The following ZNF469 variants were observed in gnomAD, a reference collection of about 807,000 sequenced individuals.
The protein encoded by ZNF469 is zinc finger protein 469.
Under a neutral mutation model 1.0 loss-of-function variants are expected in ZNF469, and 1 was observed. The observed-to-expected ratio is 1.00, with a 90% confidence interval of 0.35 to 4.73. The LOEUF (loss-of-function observed/expected upper bound fraction) is 4.73, where lower values mean the gene tolerates loss of function less well. Among genes scored for constraint, ZNF469 ranks in the 30% most tolerant of loss-of-function variants. The pLI is 0.16. For missense variants in ZNF469, 6,100 were observed against 5,356.3 expected (o/e 1.14, Z -4.33); for synonymous variants, 2,703 against 2,363.4 (o/e 1.14, Z -4.17).
chr16:88,345,270 G>T, the ZNF469 span, among the ~76,000 whole-genome samples: 5,447 of 152,316 alleles, frequency 0.036, 327 homozygotes, highest in African/African-American at 0.12. Flanking sequence ...GTGACCGTGG[G>T]ACAGCTCTGT....
chr16:88,151,993 T>G, the ZNF469 span, among the ~76,000 whole-genome samples: 1 of 152,180 alleles, frequency 6.6e-6, no homozygotes, highest in African/African-American at 2.4e-5. This position sits in a 1 kb window ranked among gnomAD's most constrained non-coding sequence, Gnocchi z 5.4. Context: ...ACACCAGCAG[T>G]AGATACTCCC....
chr16:88,122,427 G>A, the ZNF469 span, among the ~76,000 whole-genome samples: 23 of 145,668 alleles, frequency 1.6e-4, no homozygotes, highest in South Asian at 2.7e-3. Flanking sequence ...GCGGCCACTC[G>A]GATCACACTC....
At chr16:88,299,335 A>G in the ZNF469 span, among the ~76,000 whole-genome samples, 176 of 151,224 alleles carry the variant, frequency 1.2e-3, no homozygotes, top group African/African-American at 4.1e-3. Flanking sequence ...TCCTGAAGGA[A>G]GCAGCTTGCA....
upstream of ZNF469, among the ~76,000 whole-genome samples, chr16:88,382,365 G>C (rs1233601724): frequency 6.6e-6 from 1 of 152,234 alleles, no homozygotes; most frequent in Non-Finnish European, 1.5e-5. Context: ...TAGGGGCCTG[G>C]ATGGCTCCTA....
intron 1 of ZNF469, among the ~76,000 whole-genome samples, chr16:88,417,574 C>T (rs1905337838): frequency 6.6e-6 from 1 of 152,204 alleles, no homozygotes; most frequent in African/African-American, 2.4e-5. Context: ...GGGGCGGCCC[C>T]CAAACGTTTC....
At chr16:88,282,287 G>A in the ZNF469 span, among the ~76,000 whole-genome samples, 11 of 152,152 alleles carry the variant, frequency 7.2e-5, no homozygotes, top group Non-Finnish European at 1.3e-4. Context: ...GGCACCTTGG[G>A]CCTGTGTTCT....
chr16:88,258,382 A>T, the ZNF469 span, among the ~76,000 whole-genome samples: 1 of 151,768 alleles, frequency 6.6e-6, no homozygotes, highest in Non-Finnish European at 1.5e-5. Flanking sequence ...CTCCCATGAG[A>T]CAGCACAGCT....
chr16:88,307,351 C>G, the ZNF469 span, among the ~76,000 whole-genome samples: 1 of 152,164 alleles, frequency 6.6e-6, no homozygotes, highest in Non-Finnish European at 1.5e-5. Flanking sequence ...CTCTAGAGTC[C>G]CCAGCTACAA....
At chr16:88,207,985 G>A in the ZNF469 span, among the ~76,000 whole-genome samples, 3 of 152,178 alleles carry the variant, frequency 2.0e-5, no homozygotes, top group Non-Finnish European at 2.9e-5. Context: ...TTTGTGAGCT[G>A]CCTTTGGAAT....
the ZNF469 span, among the ~76,000 whole-genome samples, chr16:88,160,639 G>A: frequency 6.6e-6 from 1 of 152,198 alleles, no homozygotes; most frequent in Non-Finnish European, 1.5e-5. Context: ...CTGGGGATCA[G>A]GTGGGTCCAG....
intron 1 of ZNF469, among the ~76,000 whole-genome samples, chr16:88,396,653 G>A (rs566726909): frequency 7.3e-5 from 11 of 151,224 alleles, no homozygotes; most frequent in Non-Finnish European, 1.5e-4. Flanking sequence ...AGGCCGGGCG[G>A]AGACCCTCCT....
the ZNF469 span, among the ~76,000 whole-genome samples, chr16:88,334,296 G>A: frequency 9.9e-5 from 15 of 152,186 alleles, no homozygotes; most frequent in Non-Finnish European, 1.6e-4. Flanking sequence ...AAATTCTGGG[G>A]ATGGATGGTA....
At chr16:88,406,668 G>T (rs866728357) in intron 1 of ZNF469, among the ~76,000 whole-genome samples, 32 of 152,332 alleles carry the variant, frequency 2.1e-4, no homozygotes, top group African/African-American at 5.8e-4. Context: ...GAGGGCCGCA[G>T]AGTCCTCTCC....
the ZNF469 span, among the ~76,000 whole-genome samples, chr16:88,126,233 A>C: frequency 7.0e-6 from 1 of 142,456 alleles, no homozygotes; most frequent in Admixed American, 7.0e-5. Context: ...TTATCGAAGT[A>C]GATGTTTGCA....
chr16:88,328,977 G>A, the ZNF469 span, among the ~76,000 whole-genome samples: 4 of 152,298 alleles, frequency 2.6e-5, no homozygotes, highest in East Asian at 7.7e-4. Context: ...GTTCTCCACG[G>A]GGTCCCGACG....
the ZNF469 span, among the ~76,000 whole-genome samples, chr16:88,188,467 C>A: frequency 1.9e-4 from 29 of 152,342 alleles, no homozygotes; most frequent in South Asian, 6.0e-3. Flanking sequence ...TTAATGACAT[C>A]TTACAGCATG....
chr16:88,411,933 G>A (rs746684887), intron 1 of ZNF469, among the ~76,000 whole-genome samples: 10 of 858 alleles, frequency 0.012, no homozygotes, highest in Middle Eastern at 0.5. Context: ...CAGAAGAGAC[G>A]AAACCCTGAT....
the ZNF469 span, among the ~76,000 whole-genome samples, chr16:88,373,194 A>G: frequency 6.6e-6 from 1 of 152,222 alleles, no homozygotes; most frequent in African/African-American, 2.4e-5. Context: ...CTCTAAGAGG[A>G]AACAAGACTT....
intron 1 of ZNF469, among the ~76,000 whole-genome samples, chr16:88,410,735 C>T (rs1284543076): frequency 6.6e-6 from 1 of 151,504 alleles, no homozygotes. Context: ...GTTGATGGTG[C>T]AGGTCACACA....
Sources: allele counts gnomAD v4.1 joint callset (sites outside exome capture counted in the v4.1 genomes callset), GRCh38; gene constraint gnomAD v4.1.1; non-coding constraint Gnocchi (gnomAD v3.1); transcripts MANE v1.5; gene names NCBI Gene and HGNC (gene_info 2026-07-23, HGNC 2026-07-21).